ZAP70: variants seen among roughly 807,000 people sequenced by gnomAD.
ZAP70 encodes tyrosine-protein kinase ZAP-70.
A neutral mutation model predicts 65.8 loss-of-function variants in ZAP70; 27 were observed. The observed-to-expected ratio is 0.41, with a 90% CI of 0.30 to 0.57. The LOEUF is 0.57. ZAP70 is among the 20% of genes least tolerant of loss of function. The pLI is 0.28. For missense variants in ZAP70, 696 were observed against 870.5 expected, an observed-to-expected ratio of 0.80 and a Z score of 2.52; for synonymous variants, 363 against 360.8, an observed-to-expected ratio of 1.01 and a Z score of -0.07.
chr2:97,724,496 G>T (rs770900178), intron 3 of ZAP70, 58 bp downstream of exon 3: 2 of 1,505,792 alleles, frequency 1.3e-6, no homozygotes, highest in South Asian at 1.3e-5. Context: ...AGGGGCAGTC[G>T]AGGGTTTTGG....
Position 97,736,119 on chromosome 2 carries a change from A to T in ZAP70, c.1289+663A>T, listed in dbSNP as rs1677869941. 6.6e-6 allele frequency among the ~76,000 whole-genome samples: 1 copy of T among 152,054 alleles called. No homozygotes were observed. The highest frequency in any genetic ancestry group is 2.4e-5 in the African/African-American group (1 of 41,410). On this transcript the variant is annotated intron_variant, in intron 10 of 13. Transcript: ENST00000264972. This position sits in a 1 kb window ranked among gnomAD's most constrained non-coding sequence, Gnocchi z 4.0. ...ATTCATGGCCCCTGGGAAAGTGCCC[A>T]TTGCCAGTTATCTGGAACCTGCCCT...
At chr2:97,742,304 ATC>A (rs1488761330), downstream of ZAP70, among the ~76,000 whole-genome samples, 1 of 152,230 alleles carries the variant, frequency 6.6e-6, no homozygotes, top group Non-Finnish European at 1.5e-5. Context: ...TGGGAAAAAT[ATC>A]TTATTGTGTA....
At chr2:97,730,922 G>A (rs1033486834) in intron 4 of ZAP70, among the ~76,000 whole-genome samples, 1 of 152,010 alleles carries the variant, frequency 6.6e-6, no homozygotes, top group Non-Finnish European at 1.5e-5. Context: ...GGGCGTGGTG[G>A]TGTGCACCTG....
In ZAP70 at chr2:97,737,488, G is replaced by A. The variant is rs778361599; in HGVS notation, c.1305G>A (p.Val435=). The part of the protein sequence containing the change: ...FLVGKREEIP[V]SNVAELLHQV... ...GCCACCCCAGGGAGGAGATCCCTGT[G>A]AGCAATGTGGCCGAGCTGCTGCACC... Residue 435 remains valine (V), a synonymous_variant, in exon 11 of 14, where the codon GTG becomes GTA. Coordinates refer to ENST00000264972, the MANE Select transcript of ZAP70 (RefSeq NM_001079.4). This position sits in a 1 kb window ranked among gnomAD's most constrained non-coding sequence, Gnocchi z 5.0. 4.5e-5 allele frequency: 73 copies of A among 1,614,116 alleles called. No homozygotes were observed. Among genetic ancestry groups the A allele is most frequent in the Non-Finnish European group, 5.8e-5 (69 of 1,179,974 alleles).
Position 97,731,004 on chromosome 2 carries a change from G to A in ZAP70, c.564-1879G>A, listed in dbSNP as rs1456153791. 6.8e-6 allele frequency among the ~76,000 whole-genome samples: 1 copy of A among 147,888 alleles called. No homozygotes were observed. The highest frequency in any genetic ancestry group is 3.6e-3 in the Middle Eastern group (1 of 278). On this transcript the variant is annotated intron_variant, in intron 4 of 13. Transcript: ENST00000264972. The surrounding 1 kb of genome is among the most constrained non-coding windows in gnomAD (Gnocchi z 4.0). Reference sequence around the variant, plus strand: ...CAGGAGGCAGAGCTTGCAGTGAGCCGAGATCACGCCACTGCACTCCAGCCC... The same window carrying A: ...CAGGAGGCAGAGCTTGCAGTGAGCCAAGATCACGCCACTGCACTCCAGCCC...
intron 9 of ZAP70, chr2:97,734,985 G>A (rs1677799034): frequency 1.5e-6 from 1 of 646,096 alleles, no homozygotes; most frequent in East Asian, 2.7e-5. Context: ...GAGTCCACTG[G>A]CCCCTGACAG....
chr2:97,751,432 G>A, the ZAP70 span, among the ~76,000 whole-genome samples: 1 of 152,234 alleles, frequency 6.6e-6, no homozygotes, highest in South Asian at 2.1e-4. Flanking sequence ...AGCAACATGG[G>A]ACCTAGAGGT....
At chr2:97,732,322 T>C (rs1677643293) in intron 4 of ZAP70, among the ~76,000 whole-genome samples, 1 of 152,226 alleles carries the variant, frequency 6.6e-6, no homozygotes, top group Admixed American at 6.5e-5. Flanking sequence ...GTCATGGAGC[T>C]GCGCCTACCT....
chr2:97,737,920 G>A lies in ZAP70; in HGVS notation c.1623+23G>A. ...AAGGCAGGCGCGGGCAGAGGCAGGT[G>A]GGCGGTGTGGTGGGGAGGGGGATGA... On this transcript the variant is annotated intron_variant, in intron 12 of 13. Transcript: ENST00000264972. The surrounding 1 kb of genome is among the most constrained non-coding windows in gnomAD (Gnocchi z 5.0). The A allele has an allele frequency of 1.2e-6, 2 of 1,614,058 alleles. No homozygotes were observed. Among genetic ancestry groups the A allele is most frequent in the Non-Finnish European group, 8.5e-7 (1 of 1,179,916 alleles).
intron 9 of ZAP70, 55 bp downstream of exon 9, chr2:97,734,767 G>A: frequency 6.3e-7 from 1 of 1,599,986 alleles, no homozygotes; most frequent in Non-Finnish European, 8.5e-7. Flanking sequence ...GAGGGGAGTG[G>A]CTTCACCGGG....
intron 4 of ZAP70, 59 bp from the exon 5 acceptor site, chr2:97,732,824 G>A: frequency 1.2e-6 from 2 of 1,609,522 alleles, no homozygotes; most frequent in Admixed American, 1.7e-5. Flanking sequence ...GGGAACCGGG[G>A]CACAGCAGGA....
chr2:97,735,007 G>A (rs1573283869), intron 9 of ZAP70: 5 of 649,350 alleles, frequency 7.7e-6, no homozygotes, highest in Middle Eastern at 4.2e-4. Flanking sequence ...CTGCCCCTGG[G>A]GAGGGTGTCA....
At chr2:97,720,241 G>T (rs10460479) in intron 2 of ZAP70, among the ~76,000 whole-genome samples, 4,037 of 151,954 alleles carry the variant, frequency 0.027, 208 homozygotes, top group East Asian at 0.17. Context: ...GTTTTGTTTT[G>T]TTTTGAGATG....
chr2:97,729,772 T>C (rs958919937), intron 4 of ZAP70, among the ~76,000 whole-genome samples: 15 of 151,878 alleles, frequency 9.9e-5, no homozygotes, highest in African/African-American at 3.4e-4. Flanking sequence ...CTGAAATATA[T>C]GTGGTGATAA....
At chr2:97,747,815 GTTTTTT>G in the ZAP70 span, among the ~76,000 whole-genome samples, 41 of 54,786 alleles carry the variant, frequency 7.5e-4, no homozygotes, top group African/African-American at 3.4e-3. Context: ...CTGGCACGAG[GTTTTTT>G]TTTTTTTTTT....
intron 4 of ZAP70, 146 bp downstream of exon 4, chr2:97,725,398 G>T: frequency 3.9e-6 from 4 of 1,016,846 alleles, no homozygotes; most frequent in South Asian, 1.5e-5. Context: ...TTTCTGATGT[G>T]CAAAGGGACT....
chr2:97,748,364 A>C, the ZAP70 span, among the ~76,000 whole-genome samples: 17 of 152,136 alleles, frequency 1.1e-4, no homozygotes, highest in South Asian at 2.1e-4. Flanking sequence ...GATCAAGAAG[A>C]AGCTCTATTT....
Position 97,737,730 on chromosome 2 carries a change from G to C in ZAP70, c.1483-27G>C. 10 of 1,614,086 alleles carry C rather than the reference G, an allele frequency of 6.2e-6. No individual in the cohort carries two copies. Among genetic ancestry groups the C allele is most frequent in the Non-Finnish European group, 8.5e-6 (10 of 1,179,988 alleles). ...GGTGGGTAGAGGGTCCCTGACCCCT[G>C]ATCCAGCAGCATCTCCCCCTCCCCA... On this transcript the variant is annotated intron_variant, in intron 11 of 13. Coordinates refer to ENST00000264972, the MANE Select transcript of ZAP70 (RefSeq NM_001079.4). The surrounding 1 kb of genome is among the most constrained non-coding windows in gnomAD (Gnocchi z 5.0).
chr2:97,719,717 G>A (rs1324901611), intron 2 of ZAP70, among the ~76,000 whole-genome samples: 1 of 152,010 alleles, frequency 6.6e-6, no homozygotes, highest in African/African-American at 2.4e-5. Context: ...AAAATTTGGG[G>A]TATAATTTAC....
Sources: allele counts gnomAD v4.1 joint callset (sites outside exome capture counted in the v4.1 genomes callset), GRCh38; gene constraint gnomAD v4.1.1; non-coding constraint Gnocchi (gnomAD v3.1); transcripts MANE v1.5; gene names NCBI Gene and HGNC (gene_info 2026-07-23, HGNC 2026-07-21).